The following TC2N variants were observed in gnomAD, a reference collection of about 807,000 sequenced individuals.
The protein encoded by TC2N is tandem C2 domains nuclear protein.
A neutral mutation model predicts 61.9 loss-of-function variants in TC2N; 51 were observed. The observed-to-expected ratio is 0.82, with a 90% CI of 0.66 to 1.04. TC2N has a LOEUF of 1.04. Among genes scored for constraint, TC2N ranks in the 50% least tolerant of loss-of-function variants. The pLI, the probability that TC2N is intolerant of heterozygous loss-of-function variation, is 0.00. For missense variants in TC2N, 556 were observed against 566.7 expected, an observed-to-expected ratio of 0.98 and a Z score of 0.19; for synonymous variants, 204 against 192.6, an observed-to-expected ratio of 1.06 and a Z score of -0.49.
At chr14:91,829,219 A>T (rs974955855) in intron 1 of TC2N, among the ~76,000 whole-genome samples, 1 of 152,048 alleles carries the variant, frequency 6.6e-6, no homozygotes, top group African/African-American at 2.4e-5. Context: ...CTCAGTACTG[A>T]AAAATTCTCA....
chr14:91,809,838 A>G (rs1392734026), intron 3 of TC2N, among the ~76,000 whole-genome samples: 1 of 152,204 alleles, frequency 6.6e-6, no homozygotes, highest in African/African-American at 2.4e-5. Context: ...ACTACCACCC[A>G]AGAGCTGCCA....
At chr14:91,786,137 G>A (rs1253421592) in intron 10 of TC2N, among the ~76,000 whole-genome samples, 2 of 152,242 alleles carry the variant, frequency 1.3e-5, no homozygotes, top group East Asian at 1.9e-4. Flanking sequence ...AGATCCGACC[G>A]TCAGATTGAT....
chr14:91,860,864 CT>C, intron 1 of TC2N, among the ~76,000 whole-genome samples: 1 of 152,338 alleles, frequency 6.6e-6, no homozygotes, highest in African/African-American at 2.4e-5. Flanking sequence ...ATGAATAACT[CT>C]GTAATCTGCG....
intron 11 of TC2N, among the ~76,000 whole-genome samples, chr14:91,784,714 C>A (rs927796111): frequency 6.6e-6 from 1 of 151,998 alleles, no homozygotes; most frequent in African/African-American, 2.4e-5. Context: ...AATATCACAA[C>A]CACTGTTAAA....
chr14:91,817,566 T>C (rs986169655), intron 1 of TC2N, among the ~76,000 whole-genome samples: 11 of 152,122 alleles, frequency 7.2e-5, no homozygotes, highest in Non-Finnish European at 1.5e-4. Flanking sequence ...GGGAATATAA[T>C]TGGAACTCAG....
chr14:91,796,280 A>T (rs1885893076), intron 8 of TC2N, among the ~76,000 whole-genome samples: 1 of 152,102 alleles, frequency 6.6e-6, no homozygotes, highest in Non-Finnish European at 1.5e-5. Context: ...ATACATATAT[A>T]CACATTCATA....
intron 1 of TC2N, among the ~76,000 whole-genome samples, chr14:91,860,051 T>C (rs1307331854): frequency 1.3e-5 from 2 of 152,196 alleles, no homozygotes; most frequent in Non-Finnish European, 2.9e-5. Flanking sequence ...AAGGACCTAG[T>C]CAGTCTTACT....
chr14:91,800,330 A>G lies in TC2N; in HGVS notation c.512T>C (p.Leu171Pro), dbSNP rs1886163094. 3 of 1,605,516 alleles carry G rather than the reference A, an allele frequency of 1.9e-6. No homozygotes were observed. The highest frequency in any genetic ancestry group is 2.6e-6 in the Non-Finnish European group (3 of 1,175,428). Residue 171 changes from leucine to proline, a missense_variant, in exon 5 of 12, where the codon CTA becomes CCA. Leu to Pro is a moderately conservative substitution (Grantham distance 98). Coordinates refer to ENST00000435962, the MANE Select transcript of TC2N (RefSeq NM_001128596.3). ...TGTAAGATCAAACATAGATTTGCTTAGCCCAGGGGAACCGGGAAGTTTGTT... is the reference window on the plus strand; with the variant it reads ...TGTAAGATCAAACATAGATTTGCTTGGCCCAGGGGAACCGGGAAGTTTGTT... ...RTNKLPGSPG[L>P]SKSMFDLTNS...
intron 1 of TC2N, among the ~76,000 whole-genome samples, chr14:91,850,734 C>G (rs1007158008): frequency 6.6e-6 from 1 of 152,314 alleles, no homozygotes; most frequent in Middle Eastern, 3.4e-3. Context: ...AGTTCAAGAC[C>G]AGCCTGGCCA....
At chr14:91,790,626 A>C (rs1293229616) in intron 9 of TC2N, among the ~76,000 whole-genome samples, 1 of 152,242 alleles carries the variant, frequency 6.6e-6, no homozygotes, top group Non-Finnish European at 1.5e-5. Flanking sequence ...AACGCAGATA[A>C]TAATATCTTA....
chr14:91,790,845 G>C (rs958975510), intron 9 of TC2N, among the ~76,000 whole-genome samples: 1 of 151,976 alleles, frequency 6.6e-6, no homozygotes, highest in Non-Finnish European at 1.5e-5. Context: ...AGAATAATAG[G>C]CAAGGCTGGG....
In TC2N at chr14:91,818,947, G is replaced by C. The variant is rs149772813; in HGVS notation, c.-56-5122C>G. Among the ~76,000 whole-genome samples the C allele has an allele frequency of 1.8e-3, 268 of 152,106 alleles. 2 individuals are homozygous for C. The highest frequency in any genetic ancestry group is 5.6e-3 in the South Asian group (27 of 4,800). Reference sequence around the variant, plus strand: ...AGTCCACAAAGAAGACTGGGGATAGGGGGGAGGGCATATTTGAAGAAATAA... The same window carrying C: ...AGTCCACAAAGAAGACTGGGGATAGCGGGGAGGGCATATTTGAAGAAATAA... On this transcript the variant is annotated intron_variant, in intron 1 of 11. Transcript: ENST00000435962.
rs77995634 is a variant in TC2N, at chr14:91,800,292, G to C, written c.550C>G (p.Arg184Gly). ...TGTAGATAATTCACCTGGATGAATC[G>C]CTGAGATGAGTTTGTAAGATCAAAC... is the stretch of plus-strand genomic sequence containing the variant. ...SMFDLTNSSQRFIQRHDSLSS... is the reference protein window; with the variant it reads ...SMFDLTNSSQGFIQRHDSLSS... The change falls in exon 5 of 12, where the codon CGA becomes GGA. Residue 184 changes from arginine to glycine, a missense_variant. Transcript: ENST00000435962. 2.8e-5 allele frequency: 45 copies of C among 1,589,624 alleles called. No homozygotes were observed. The East Asian group carries it at 9.6e-4, about 34-fold the overall frequency.
intron 8 of TC2N, among the ~76,000 whole-genome samples, chr14:91,795,698 T>C (rs1885863983): frequency 6.6e-6 from 1 of 152,142 alleles, no homozygotes; most frequent in Admixed American, 6.5e-5. Context: ...AAAAAACTCA[T>C]GTGACCTGCT....
At chr14:91,806,029 C>A (rs1203818290) in intron 3 of TC2N, among the ~76,000 whole-genome samples, 1 of 152,100 alleles carries the variant, frequency 6.6e-6, no homozygotes, top group Non-Finnish European at 1.5e-5. Context: ...CCAGACTGTA[C>A]TTGTGGTAGT....
At chr14:91,789,093 T>A (rs1223950378) in intron 9 of TC2N, among the ~76,000 whole-genome samples, 1 of 152,212 alleles carries the variant, frequency 6.6e-6, no homozygotes, top group Non-Finnish European at 1.5e-5. Context: ...TTATTTTTTA[T>A]TACAGTTTTG....
At chr14:91,840,655 C>T (rs1379025256) in intron 1 of TC2N, among the ~76,000 whole-genome samples, 3 of 152,050 alleles carry the variant, frequency 2.0e-5, no homozygotes, top group African/African-American at 7.2e-5. Flanking sequence ...AGTATATATT[C>T]AGGAAAAGAG....
intron 1 of TC2N, among the ~76,000 whole-genome samples, chr14:91,847,470 T>C (rs890748587): frequency 6.6e-6 from 1 of 152,178 alleles, no homozygotes; most frequent in Non-Finnish European, 1.5e-5. Flanking sequence ...TTCTACATAG[T>C]TATCTTTGTG....
At chr14:91,801,318 G>A (rs1886238144) in intron 4 of TC2N, among the ~76,000 whole-genome samples, 1 of 152,116 alleles carries the variant, frequency 6.6e-6, no homozygotes, top group South Asian at 2.1e-4. Flanking sequence ...ACAAATAGCT[G>A]TTGAAGAGTT....
Sources: allele counts gnomAD v4.1 joint callset (sites outside exome capture counted in the v4.1 genomes callset), GRCh38; gene constraint gnomAD v4.1.1; transcripts MANE v1.5; gene names NCBI Gene and HGNC (gene_info 2026-07-23, HGNC 2026-07-21).